GRIK3: variants seen among roughly 807,000 people sequenced by gnomAD.
GRIK3 encodes glutamate ionotropic receptor kainate type subunit 3, also known as glutamate receptor ionotropic, kainate 3.
Under a neutral mutation model 102.5 loss-of-function variants are expected in GRIK3, and 29 were observed. That is an observed-to-expected ratio of 0.28 (90% CI 0.21 to 0.39). The LOEUF is 0.39. Among genes scored for constraint, GRIK3 ranks in the 10% least tolerant of loss-of-function variants. The pLI is 1.00. For missense variants in GRIK3, 908 were observed against 1,252.4 expected, an observed-to-expected ratio of 0.73 and a Z score of 4.15; for synonymous variants, 511 against 504.9, an observed-to-expected ratio of 1.01 and a Z score of -0.16.
At chr1:36,813,649 C>CT (rs1200064439) in intron 13 of GRIK3, among the ~76,000 whole-genome samples, 3 of 152,082 alleles carry the variant, frequency 2.0e-5, no homozygotes, top group Non-Finnish European at 4.4e-5. Flanking sequence ...AACCAGAAGG[C>CT]TATCACCTGG....
intron 1 of GRIK3, among the ~76,000 whole-genome samples, chr1:36,906,924 C>T (rs752555780): frequency 1.1e-4 from 17 of 152,070 alleles, no homozygotes; most frequent in Non-Finnish European, 1.8e-4. Flanking sequence ...GTTTTCAGCA[C>T]AAAGAAAAGA....
At position 36,992,696 on chromosome 1, in the gene GRIK3, G is replaced by A. The variant is rs575168164; in HGVS notation, c.115+41298C>T. Among the ~76,000 whole-genome samples, 199 of 152,330 alleles carry A rather than the reference G, an allele frequency of 1.3e-3. 7 individuals are homozygous for A. In the South Asian group the frequency reaches 0.04, roughly 31 times the overall value. On this transcript the variant is annotated intron_variant, in intron 1 of 15. Transcript: ENST00000373091. ...GTGGAGGGCAGTACTTATAAACATC[G>A]TCATGAGCAAGAATCAGAATAGCTC...
intron 9 of GRIK3, among the ~76,000 whole-genome samples, chr1:36,843,826 C>A (rs1426182429): frequency 6.6e-6 from 1 of 152,218 alleles, no homozygotes. Context: ...GGCTGTGTGA[C>A]CATGGTTAGC....
At chr1:36,982,950 A>G (rs181506560) in intron 1 of GRIK3, among the ~76,000 whole-genome samples, 46 of 152,264 alleles carry the variant, frequency 3.0e-4, no homozygotes, top group African/African-American at 1.1e-3. Context: ...CTCCGCGGAC[A>G]ATTAAAACCC....
chr1:36,945,362 C>G (rs915797728), intron 1 of GRIK3, among the ~76,000 whole-genome samples: 6 of 152,200 alleles, frequency 3.9e-5, no homozygotes, highest in Admixed American at 3.3e-4. Flanking sequence ...GGGGCCTGAG[C>G]CAGTCTCAAA....
chr1:36,971,511 C>T (rs2124357763), intron 1 of GRIK3, among the ~76,000 whole-genome samples: 1 of 152,274 alleles, frequency 6.6e-6, no homozygotes, highest in African/African-American at 2.4e-5. Flanking sequence ...AGTTGGGCCT[C>T]TAAAATCAAG....
At chr1:36,908,601 T>C (rs527718448) in intron 1 of GRIK3, among the ~76,000 whole-genome samples, 43 of 152,232 alleles carry the variant, frequency 2.8e-4, no homozygotes, top group Non-Finnish European at 4.8e-4. Context: ...TCATGATCGT[T>C]ATTTAAAGAG....
chr1:36,922,568 T>A (rs566037611), intron 1 of GRIK3, among the ~76,000 whole-genome samples: 6 of 152,298 alleles, frequency 3.9e-5, no homozygotes, highest in Admixed American at 3.9e-4. Flanking sequence ...CCCAAGGTGA[T>A]CCAGATGTTT....
At chr1:36,923,720 G>A (rs1641497811) in intron 1 of GRIK3, among the ~76,000 whole-genome samples, 1 of 152,200 alleles carries the variant, frequency 6.6e-6, no homozygotes, top group Admixed American at 6.5e-5. Context: ...AAATCCTAGT[G>A]TTTACCCTGT....
intron 13 of GRIK3, among the ~76,000 whole-genome samples, chr1:36,812,222 C>T (rs903173941): frequency 6.6e-6 from 1 of 152,026 alleles, no homozygotes; most frequent in Non-Finnish European, 1.5e-5. Flanking sequence ...ACAGCATGCC[C>T]AGGTCAGATG....
Position 36,898,248 on chromosome 1 carries a change from A to G in GRIK3, c.116-7152T>C, listed in dbSNP as rs147969738. On this transcript the variant is annotated intron_variant, in intron 1 of 15. Transcript: ENST00000373091. ...CAACAGGGTGACTATAATCAATAATAATTTAATTGTACATTTAAAAACTAA... is the reference window on the plus strand; with the variant it reads ...CAACAGGGTGACTATAATCAATAATGATTTAATTGTACATTTAAAAACTAA... Among the ~76,000 whole-genome samples the G allele has an allele frequency of 5.2e-3, 792 of 152,320 alleles. 2 individuals are homozygous for G. The highest frequency in any genetic ancestry group is 0.018 in the African/African-American group (754 of 41,560).
intron 2 of GRIK3, among the ~76,000 whole-genome samples, chr1:36,881,653 G>A (rs556593676): frequency 2.1e-4 from 32 of 152,272 alleles, no homozygotes; most frequent in African/African-American, 7.5e-4. Context: ...TATTGCAGAA[G>A]CTTCCTCAGT....
intron 1 of GRIK3, among the ~76,000 whole-genome samples, chr1:36,946,650 G>A (rs1269036264): frequency 6.6e-6 from 1 of 152,154 alleles, no homozygotes; most frequent in Non-Finnish European, 1.5e-5. Flanking sequence ...AGCGTCAGCC[G>A]CCACCCACAC....
chr1:36,977,451 G>A (rs1006970581), intron 1 of GRIK3, among the ~76,000 whole-genome samples: 1 of 152,232 alleles, frequency 6.6e-6, no homozygotes, highest in African/African-American at 2.4e-5. Context: ...CAGAGCTGAT[G>A]TATGTAAAAA....
At position 36,853,721 on chromosome 1, in the gene GRIK3, G is replaced by A; in HGVS notation, c.1106C>T (p.Ala369Val). 11 of 1,583,042 alleles carry A rather than the reference G, an allele frequency of 6.9e-6. No individual in the cohort carries two copies. The highest frequency in any genetic ancestry group is 9.6e-6 in the Non-Finnish European group (11 of 1,151,580). The change falls in exon 8 of 16, where the codon GCT becomes GTT. Residue 369 changes from alanine to valine, a missense_variant and splice_region_variant. Coordinates refer to ENST00000373091, the MANE Select transcript of GRIK3 (RefSeq NM_000831.4). ...TCGTCCAGTTAATCCTTCCCATTGA[G>A]CCTGCGGAGGGGAGAGGGCAGAGCG... is the stretch of plus-strand genomic sequence containing the variant. ...GGRFMNFIKE[A>V]QWEGLTGRIV...
At chr1:37,021,857 T>C (rs925216384) in intron 1 of GRIK3, among the ~76,000 whole-genome samples, 1 of 152,176 alleles carries the variant, frequency 6.6e-6, no homozygotes, top group African/African-American at 2.4e-5. Context: ...AGTCAGGAAC[T>C]GGGACCAGCC....
intron 6 of GRIK3, 137 bp downstream of exon 6, chr1:36,859,707 G>T: frequency 1.4e-6 from 1 of 715,522 alleles, no homozygotes; most frequent in Non-Finnish European, 2.4e-6. Context: ...CCAATCCCTA[G>T]CCTGGGGTCT....
rs377630308 is a variant in GRIK3, at chr1:36,841,987, C to T, written c.1327-48G>A. 6.1e-4 allele frequency: 906 copies of T among 1,488,002 alleles called. 3 individuals carry two copies. The highest frequency in any genetic ancestry group is 1.1e-3 in the Middle Eastern group (6 of 5,308). The allele number at this position is 1,488,002 out of a possible 1,614,324, so 92.2% of individuals were successfully genotyped here. On this transcript the variant is annotated intron_variant, in intron 9 of 15. Transcript: ENST00000373091. ...TGTGACGAAGACTGAGCAGCTAGGG[C>T]GGAGGCAGGCTTGCACTGGAGAGTC...
Position 36,850,127 on chromosome 1 carries a change from G to A in GRIK3, c.1326+184C>T, listed in dbSNP as rs893127576. The A allele has an allele frequency of 2.2e-5, 13 of 578,804 alleles. No individual in the cohort carries two copies. Among genetic ancestry groups the A allele is most frequent in the African/African-American group, 1.3e-4 (7 of 53,506 alleles). 35.9% of individuals were successfully genotyped at this position (578,804 alleles called of 1,614,324 possible). On this transcript the variant is annotated intron_variant, in intron 9 of 15. Transcript: ENST00000373091. This position sits in a 1 kb window ranked among gnomAD's most constrained non-coding sequence, Gnocchi z 4.0. ...CACAAAAACGCAGCGGCTTCCGCCC[G>A]TGGCAGCGAGCAGCGCTGCTGCGCT... is the stretch of plus-strand genomic sequence containing the variant.
Sources: allele counts gnomAD v4.1 joint callset (sites outside exome capture counted in the v4.1 genomes callset), GRCh38; gene constraint gnomAD v4.1.1; non-coding constraint Gnocchi (gnomAD v3.1); transcripts MANE v1.5; gene names NCBI Gene and HGNC (gene_info 2026-07-23, HGNC 2026-07-21).